LTF: variants seen among roughly 807,000 people sequenced by gnomAD.
LTF encodes the protein lactotransferrin, also known as epididymis luminal protein 110.
Under a neutral mutation model 87.2 loss-of-function variants are expected in LTF, and 91 were observed. The observed-to-expected ratio is 1.04, with a 90% CI of 0.88 to 1.24. LTF has a LOEUF of 1.24. Among genes scored for constraint, LTF ranks in the 50% most tolerant of loss-of-function variants. The probability of loss-of-function intolerance (pLI) is 0.00; values close to 1 mark genes in which losing one functional copy is unlikely to be tolerated. For missense variants in LTF, 901 were observed against 904.3 expected (o/e 1.00, Z 0.05); for synonymous variants, 378 against 356.1 (o/e 1.06, Z -0.69).
intron 1 of LTF, among the ~76,000 whole-genome samples, chr3:46,480,749 C>T (rs191938875): frequency 2.0e-5 from 3 of 152,272 alleles, no homozygotes; most frequent in Admixed American, 1.3e-4. Flanking sequence ...CTGCATTGCC[C>T]ACCATTGTCA....
chr3:46,460,241 C>T (rs183709087), intron 1 of LTF, among the ~76,000 whole-genome samples: 29 of 152,298 alleles, frequency 1.9e-4, no homozygotes, highest in African/African-American at 6.7e-4. Flanking sequence ...GGCTGAGTGA[C>T]TCGCCACTCA....
rs573100300 is a variant in LTF, at chr3:46,450,620, T to C, written c.757A>G (p.Asn253Asp). 6.2e-7 allele frequency: 1 copy of C among 1,614,136 alleles called. No homozygotes were observed. The highest frequency in any genetic ancestry group is 2.2e-5 in the East Asian group (1 of 44,874). Reference protein sequence around the residue: ...RDEYELLCPDNTRKPVDKFKD... With the variant: ...RDEYELLCPDDTRKPVDKFKD... Reference sequence around the variant, plus strand: ...AACTTGTCCACTGGCTTCCGAGTGTTGTCTGGGCAGAGTAACTCATACTCG... The same window carrying C: ...AACTTGTCCACTGGCTTCCGAGTGTCGTCTGGGCAGAGTAACTCATACTCG... Residue 253 changes from asparagine to aspartate, a missense_variant, in exon 7 of 17, where the codon AAC becomes GAC. Asn to Asp is a conservative substitution (Grantham distance 23). Transcript: ENST00000231751.
At chr3:46,479,412 AG>A (rs113770019) in intron 1 of LTF, among the ~76,000 whole-genome samples, 5 of 152,372 alleles carry the variant, frequency 3.3e-5, no homozygotes, top group African/African-American at 1.2e-4. Context: ...CCAAGGCAGA[AG>A]GCTGAGAATG....
At chr3:46,437,022 G>T (rs1214206959) in intron 16 of LTF, among the ~76,000 whole-genome samples, 1 of 152,160 alleles carries the variant, frequency 6.6e-6, no homozygotes, top group Non-Finnish European at 1.5e-5. Flanking sequence ...TACCGATAAA[G>T]ACATTTCTGG....
upstream of LTF, among the ~76,000 whole-genome samples, chr3:46,466,274 A>T (rs1703211643): frequency 6.6e-6 from 1 of 152,106 alleles, no homozygotes; most frequent in South Asian, 2.1e-4. Flanking sequence ...CTAAGTGAAG[A>T]AAAAAGGTAC....
chr3:46,479,747 C>T (rs1340621671), intron 1 of LTF, among the ~76,000 whole-genome samples: 3 of 152,122 alleles, frequency 2.0e-5, no homozygotes, highest in South Asian at 2.1e-4. Context: ...AGGCTGGTCT[C>T]GAACTCCTGA....
chr3:46,438,249 G>A, intron 15 of LTF, 120 bp from the exon 16 acceptor site: 1 of 828,046 alleles, frequency 1.2e-6, no homozygotes, highest in Non-Finnish European at 2.0e-6. Context: ...GGCAGAAGGA[G>A]CTGAGTTCTG....
intron 7 of LTF, 51 bp from the exon 8 acceptor site, chr3:46,450,079 CA>C (rs749827053): frequency 1.4e-6 from 2 of 1,404,034 alleles, no homozygotes; most frequent in Non-Finnish European, 1.9e-6. Flanking sequence ...AGGGAGGAAA[CA>C]AAAAAATGAT....
At chr3:46,454,009 C>T (rs1314370838) in intron 6 of LTF, 2 of 380,536 alleles carry the variant, frequency 5.3e-6, no homozygotes, top group Non-Finnish European at 9.7e-6. Flanking sequence ...AAACCGGAAA[C>T]ACAAACCAGC....
At chr3:46,438,173 A>G (rs958474207) in intron 15 of LTF, 44 bp from the exon 16 acceptor site, 2 of 1,543,736 alleles carry the variant, frequency 1.3e-6, no homozygotes, top group African/African-American at 2.7e-5. Context: ...GAAAAGAGGA[A>G]TTTATGGGTT....
chr3:46,477,510 C>T lies in LTF; in HGVS notation c.-319-7044G>A, dbSNP rs79408717. 3.5e-4 allele frequency among the ~76,000 whole-genome samples: 53 copies of T among 152,328 alleles called. 3 individuals are homozygous for T. The East Asian group carries it at 0.01, about 29-fold the overall frequency. Reference sequence around the variant, plus strand: ...GCAGGGGAGTTTGAAACCAGCTCTACCTCTTCCCCACTCCCCAGATCTAGC... The same window carrying T: ...GCAGGGGAGTTTGAAACCAGCTCTATCTCTTCCCCACTCCCCAGATCTAGC... On this transcript the variant is annotated intron_variant, in intron 1 of 19. Coordinates refer to the LTF transcript ENST00000443496.
At chr3:46,482,752 AAG>A (rs1703464930) in intron 1 of LTF, among the ~76,000 whole-genome samples, 2 of 146,200 alleles carry the variant, frequency 1.4e-5, no homozygotes, top group Non-Finnish European at 3.0e-5. Flanking sequence ...GGAAGGAAAG[AAG>A]GAAAGAGAAA....
chr3:46,448,947 C>T lies in LTF; in HGVS notation c.1128G>A (p.Lys376=), dbSNP rs899114856. 1.2e-6 allele frequency: 2 copies of T among 1,613,768 alleles called. No individual in the cohort carries two copies. Among genetic ancestry groups the T allele is most frequent in the Admixed American group, 1.7e-5 (1 of 59,962 alleles). The change falls in exon 9 of 17, where the codon AAG becomes AAA. Residue 376 remains lysine (K), a synonymous_variant. Coordinates refer to ENST00000231751, the MANE Select transcript of LTF (RefSeq NM_002343.6). The part of the protein sequence containing the change: ...WCAVGEQELR[K]CNQWSGLSEG... Reference sequence around the variant, plus strand: ...CGCTCAAGCCACTCCACTGGTTACACTTGCGCAGCTCCTGCTCGCCCACCG... The same window carrying T: ...CGCTCAAGCCACTCCACTGGTTACATTTGCGCAGCTCCTGCTCGCCCACCG...
chr3:46,452,769 A>G (rs1702835244), intron 6 of LTF, among the ~76,000 whole-genome samples: 1 of 152,248 alleles, frequency 6.6e-6, no homozygotes, highest in African/African-American at 2.4e-5. Context: ...CAGAAAAAAT[A>G]TACTTTTTTT....
chr3:46,481,489 T>C (rs1703431423), intron 1 of LTF, among the ~76,000 whole-genome samples: 1 of 152,146 alleles, frequency 6.6e-6, no homozygotes, highest in Admixed American at 6.5e-5. Flanking sequence ...CCCTTTACTC[T>C]CCAGAGCCCA....
At chr3:46,482,510 G>T (rs1575330563) in intron 1 of LTF, among the ~76,000 whole-genome samples, 1 of 45,434 alleles carries the variant, frequency 2.2e-5, no homozygotes, top group Non-Finnish European at 3.9e-5. Flanking sequence ...GAAGGGAAGG[G>T]AAGGGAAGGG....
At chr3:46,446,073 G>A (rs1490116020) in intron 11 of LTF, among the ~76,000 whole-genome samples, 1 of 152,136 alleles carries the variant, frequency 6.6e-6, no homozygotes, top group Non-Finnish European at 1.5e-5. Context: ...AGGTCACGAG[G>A]ACCCGGGGTC....
intron 13 of LTF, chr3:46,441,899 CAGAGAGAGAGAGAGAG>C (rs71622508): frequency 2.0e-5 from 2 of 100,476 alleles, no homozygotes; most frequent in South Asian, 6.9e-4. Context: ...TGATAGCACC[CAGAGAGAGAGAGAGAG>C]AGAGAGAGAG....
At chr3:46,454,044 G>C (rs1364569773) in intron 6 of LTF, 2 of 498,012 alleles carry the variant, frequency 4.0e-6, no homozygotes, top group Admixed American at 6.4e-5. Context: ...ATGAGCACAT[G>C]TGTCTTGGAG....
Sources: gnomAD v4.1 joint callset for allele counts (sites outside exome capture counted in the v4.1 genomes callset) on GRCh38, gnomAD v4.1.1 for gene constraint, MANE v1.5 for transcripts, NCBI Gene and HGNC (gene_info 2026-07-23, HGNC 2026-07-21) for gene names.